The following DLGAP2 variants were observed in gnomAD, a reference collection of about 807,000 sequenced individuals.
DLGAP2 encodes the protein disks large-associated protein 2.
In DLGAP2, 26 loss-of-function variants were observed where a neutral mutation model predicts 100.3. That is an observed-to-expected ratio of 0.26 (90% CI 0.19 to 0.36). The LOEUF (loss-of-function observed/expected upper bound fraction) is 0.36. Ranked by LOEUF, DLGAP2 falls within the 10% of genes least tolerant of loss-of-function variation. The pLI, the probability that DLGAP2 is intolerant of heterozygous loss-of-function variation, is 1.00. For synonymous variants in DLGAP2, 886 were observed against 630.1 expected, an observed-to-expected ratio of 1.41 and a Z score of -6.08; for missense variants, 1,858 against 1,453.2, an observed-to-expected ratio of 1.28 and a Z score of -4.53.
intron 6 of DLGAP2, among the ~76,000 whole-genome samples, chr8:1,624,863 CTCTCTG>C (rs1420975750): frequency 7.4e-5 from 11 of 148,686 alleles, no homozygotes; most frequent in African/African-American, 2.6e-4. Flanking sequence ...CTCTCTCTCT[CTCTCTG>C]TCTCTCTCTC....
At position 1,456,200 on chromosome 8, in the gene DLGAP2, C is replaced by T. The variant is rs144200512; in HGVS notation, c.107-45166C>T. ...AAGCTGCGGATTCTGCAGCATTTTG[C>T]AAACAGGACGCCCTAGTCTCTCTGC... On this transcript the variant is annotated intron_variant, in intron 3 of 14. Transcript: ENST00000637795. 1.1e-3 allele frequency among the ~76,000 whole-genome samples: 172 copies of T among 152,300 alleles called. 1 individual carries two copies. The highest frequency in any genetic ancestry group is 3.9e-3 in the African/African-American group (161 of 41,570).
At chr8:1,412,892 G>A (rs1004605608) in intron 3 of DLGAP2, among the ~76,000 whole-genome samples, 3 of 152,128 alleles carry the variant, frequency 2.0e-5, no homozygotes, top group Non-Finnish European at 2.9e-5. Flanking sequence ...GCTATTTCCT[G>A]TCTCCCTGTC....
chr8:1,359,740 G>T (rs1387548837), intron 3 of DLGAP2, among the ~76,000 whole-genome samples: 2 of 152,258 alleles, frequency 1.3e-5, no homozygotes, highest in Non-Finnish European at 2.9e-5. Context: ...CGCAGCGTGG[G>T]ACTGTGGATA....
chr8:1,623,522 G>T (rs962047909), intron 6 of DLGAP2, among the ~76,000 whole-genome samples: 1 of 151,652 alleles, frequency 6.6e-6, no homozygotes, highest in Admixed American at 6.6e-5. Context: ...CCTGACACCA[G>T]TGCGTCATGA....
At chr8:795,747 A>G (rs75139493) in intron 1 of DLGAP2, among the ~76,000 whole-genome samples, 1,330 of 25,068 alleles carry the variant, frequency 0.053, 18 homozygotes, top group African/African-American at 0.085. Flanking sequence ...TCCAGTGAGA[A>G]CAGGCGTCCA....
At chr8:1,271,481 A>G (rs1799582197) in intron 3 of DLGAP2, among the ~76,000 whole-genome samples, 1 of 152,214 alleles carries the variant, frequency 6.6e-6, no homozygotes, top group Non-Finnish European at 1.5e-5. Flanking sequence ...CCCCAAGCCC[A>G]TTTATCAGGC....
chr8:1,329,569 C>T (rs1490695159), intron 3 of DLGAP2, among the ~76,000 whole-genome samples: 4 of 152,134 alleles, frequency 2.6e-5, no homozygotes, highest in Admixed American at 1.3e-4. Context: ...AAGTTCAATT[C>T]GGTAGATGCT....
At chr8:1,415,174 C>A (rs754539333) in intron 3 of DLGAP2, among the ~76,000 whole-genome samples, 1 of 152,206 alleles carries the variant, frequency 6.6e-6, no homozygotes, top group Admixed American at 6.5e-5. Context: ...ATTCTGCCAA[C>A]CTGTGGGCTG....
intron 2 of DLGAP2, among the ~76,000 whole-genome samples, chr8:1,136,355 C>A (rs567519074): frequency 1.3e-5 from 2 of 152,200 alleles, no homozygotes; most frequent in African/African-American, 2.4e-5. Context: ...TCAGATGCCC[C>A]GCAGCCTGTC....
At chr8:1,151,592 A>G (rs1796698504) in intron 2 of DLGAP2, among the ~76,000 whole-genome samples, 1 of 152,146 alleles carries the variant, frequency 6.6e-6, no homozygotes, top group African/African-American at 2.4e-5. Flanking sequence ...GGTGAGGGGC[A>G]CCTTCGCAAG....
intron 1 of DLGAP2, among the ~76,000 whole-genome samples, chr8:869,652 A>T (rs930104593): frequency 6.6e-6 from 1 of 152,162 alleles, no homozygotes; most frequent in Non-Finnish European, 1.5e-5. Flanking sequence ...AAAATAAAAG[A>T]CTCCTTAGTC....
At chr8:768,042 C>T (rs1020563360) in intron 1 of DLGAP2, among the ~76,000 whole-genome samples, 1 of 152,168 alleles carries the variant, frequency 6.6e-6, no homozygotes, top group Non-Finnish European at 1.5e-5. Context: ...GGAAGATGTG[C>T]ATTCTCTTTC....
At chr8:1,551,830 G>T (rs554348338) in intron 5 of DLGAP2, among the ~76,000 whole-genome samples, 1 of 152,238 alleles carries the variant, frequency 6.6e-6, no homozygotes, top group South Asian at 2.1e-4. Flanking sequence ...ATAACCACCT[G>T]CATTATATCA....
intron 2 of DLGAP2, among the ~76,000 whole-genome samples, chr8:909,795 A>C (rs763840286): frequency 8.5e-5 from 13 of 152,194 alleles, no homozygotes. Flanking sequence ...GTCCATGCAG[A>C]ATGGAAAGAT....
At chr8:946,561 C>T (rs1411658381) in intron 2 of DLGAP2, among the ~76,000 whole-genome samples, 3 of 152,214 alleles carry the variant, frequency 2.0e-5, no homozygotes, top group African/African-American at 4.8e-5. Flanking sequence ...CCGCGCCCGG[C>T]CCGTTCCTTA....
intron 5 of DLGAP2, among the ~76,000 whole-genome samples, chr8:1,551,292 C>T (rs1801757620): frequency 6.6e-6 from 1 of 152,218 alleles, no homozygotes. Flanking sequence ...TCGGGGTTCA[C>T]TCTGATCTGT....
chr8:1,408,496 A>G (rs1796639367), intron 3 of DLGAP2, among the ~76,000 whole-genome samples: 1 of 152,078 alleles, frequency 6.6e-6, no homozygotes, highest in Non-Finnish European at 1.5e-5. Flanking sequence ...CTGCAGAGGG[A>G]CCTTCTCTGG....
chr8:846,563 A>G (rs888765982), intron 1 of DLGAP2, among the ~76,000 whole-genome samples: 1 of 152,232 alleles, frequency 6.6e-6, no homozygotes, highest in Non-Finnish European at 1.5e-5. Flanking sequence ...TTGGTCCCAT[A>G]TCTTGGATAT....
At chr8:1,586,921 A>C (rs1261058436) in intron 6 of DLGAP2, among the ~76,000 whole-genome samples, 2 of 152,184 alleles carry the variant, frequency 1.3e-5, no homozygotes, top group Non-Finnish European at 2.9e-5. Flanking sequence ...TTTCACCTTC[A>C]TCAGTGCAGC....
Sources: allele counts gnomAD v4.1 joint callset (sites outside exome capture counted in the v4.1 genomes callset), GRCh38; gene constraint gnomAD v4.1.1; transcripts MANE v1.5; gene names NCBI Gene and HGNC (gene_info 2026-07-23, HGNC 2026-07-21).